LRRC4C: variants seen among roughly 807,000 people sequenced by gnomAD.
LRRC4C encodes the protein leucine rich repeat containing 4C.
In LRRC4C, 5 loss-of-function variants were observed where a neutral mutation model predicts 33.6. That is an observed-to-expected ratio of 0.15 (90% CI 0.08 to 0.31). The LOEUF is 0.31. Among genes scored for constraint, LRRC4C ranks in the 10% least tolerant of loss-of-function variants. The pLI is 1.00. For missense variants in LRRC4C, 560 were observed against 796.7 expected (o/e 0.70, Z 3.58); for synonymous variants, 329 against 302.0 (o/e 1.09, Z -0.93).
chr11:40,954,651 T>C lies in LRRC4C; in HGVS notation c.-495-20928A>G, dbSNP rs546617095. Among the ~76,000 whole-genome samples the C allele has an allele frequency of 1.5e-3, 227 of 151,984 alleles. 1 individual carries two copies. Among genetic ancestry groups the C allele is most frequent in the African/African-American group, 5.4e-3 (224 of 41,502 alleles). On this transcript the variant is annotated intron_variant, in intron 1 of 6. Transcript: ENST00000528697. Reference sequence around the variant, plus strand: ...CCTCATCTTCATAAAATAGCCCAAATTATTCCATTATGTAAAATACAGGTC... The same window carrying C: ...CCTCATCTTCATAAAATAGCCCAAACTATTCCATTATGTAAAATACAGGTC...
intron 1 of LRRC4C, among the ~76,000 whole-genome samples, chr11:41,370,092 G>A (rs149034044): frequency 6.8e-4 from 103 of 152,224 alleles, no homozygotes; most frequent in African/African-American, 2.3e-3. Context: ...TAACATAGAC[G>A]TGGCACACTT....
chr11:40,495,929 AAGCAATTCTCCTGTCTCAGCCTCCCAAGT>A (rs1565446051), intron 3 of LRRC4C, among the ~76,000 whole-genome samples: 1 of 140,584 alleles, frequency 7.1e-6, no homozygotes, highest in Admixed American at 7.9e-5. Context: ...CCCGGGGTTC[AAGCAATTCTCCTGTCTCAGCCTCCCAAGT>A]AGCTGGGATA....
intron 1 of LRRC4C, among the ~76,000 whole-genome samples, chr11:40,953,680 A>G (rs182931678): frequency 6.6e-6 from 1 of 151,828 alleles, no homozygotes; most frequent in African/African-American, 2.4e-5. Flanking sequence ...ACCTATAAGG[A>G]CTTATTTTTC....
intron 1 of LRRC4C, among the ~76,000 whole-genome samples, chr11:41,117,615 A>G (rs551981326): frequency 9.2e-5 from 14 of 152,156 alleles, no homozygotes; most frequent in Non-Finnish European, 1.6e-4. Flanking sequence ...TGCATTTTCT[A>G]AGGAAAATAT....
At chr11:41,433,684 G>A (rs1225785621) in intron 1 of LRRC4C, among the ~76,000 whole-genome samples, 1 of 152,070 alleles carries the variant, frequency 6.6e-6, no homozygotes, top group Non-Finnish European at 1.5e-5. Flanking sequence ...TCAAACATCG[G>A]ACTCGTTCTT....
intron 1 of LRRC4C, among the ~76,000 whole-genome samples, chr11:41,127,092 T>G (rs1942779441): frequency 6.6e-6 from 1 of 152,178 alleles, no homozygotes; most frequent in South Asian, 2.1e-4. Context: ...AAATTTCAAT[T>G]AAAATTTCTC....
At chr11:40,118,216 TATA>T (rs1231320288) in intron 6 of LRRC4C, among the ~76,000 whole-genome samples, 3 of 148,300 alleles carry the variant, frequency 2.0e-5, no homozygotes, top group Non-Finnish European at 3.0e-5. Flanking sequence ...AAATAACAAA[TATA>T]ATTATTACTT....
intron 3 of LRRC4C, among the ~76,000 whole-genome samples, chr11:40,342,916 A>AT (rs1482002920): frequency 6.6e-6 from 1 of 152,076 alleles, no homozygotes; most frequent in Non-Finnish European, 1.5e-5. Context: ...TAGTCTAGTC[A>AT]TCTCTCCATC....
chr11:40,870,364 T>G (rs1353683596), intron 2 of LRRC4C, among the ~76,000 whole-genome samples: 1 of 152,132 alleles, frequency 6.6e-6, no homozygotes, highest in East Asian at 1.9e-4. Flanking sequence ...ACCTGGTATA[T>G]GCACCTATTG....
chr11:40,557,610 C>A (rs1957380379), intron 3 of LRRC4C, among the ~76,000 whole-genome samples: 1 of 152,000 alleles, frequency 6.6e-6, no homozygotes, highest in Admixed American at 6.6e-5. Context: ...ACAGGGAGGG[C>A]ATGTGGTATG....
chr11:41,120,465 T>G (rs1432972893), intron 1 of LRRC4C, among the ~76,000 whole-genome samples: 1 of 152,150 alleles, frequency 6.6e-6, no homozygotes, highest in Non-Finnish European at 1.5e-5. Flanking sequence ...CTCCCTATAT[T>G]CTAGTTGAAC....
intron 2 of LRRC4C, among the ~76,000 whole-genome samples, chr11:40,709,465 G>A (rs530947317): frequency 6.6e-6 from 1 of 152,112 alleles, no homozygotes; most frequent in African/African-American, 2.4e-5. Flanking sequence ...CACTTATGAA[G>A]CTTAGTTTGG....
At chr11:40,336,335 C>T (rs1053164523) in intron 3 of LRRC4C, among the ~76,000 whole-genome samples, 1 of 152,128 alleles carries the variant, frequency 6.6e-6, no homozygotes. Context: ...GTGATGTGCA[C>T]TATTTTGGGC....
intron 3 of LRRC4C, among the ~76,000 whole-genome samples, chr11:40,499,717 T>C (rs192932722): frequency 1.3e-5 from 2 of 152,212 alleles, no homozygotes; most frequent in Admixed American, 6.5e-5. Context: ...TAAACTAACA[T>C]GTTAAAAAGA....
chr11:40,921,738 A>T (rs1287183949), intron 2 of LRRC4C, among the ~76,000 whole-genome samples: 4 of 152,190 alleles, frequency 2.6e-5, no homozygotes, highest in Admixed American at 6.5e-5. Flanking sequence ...TCAAACATTT[A>T]TCTTTTCTTT....
chr11:40,533,685 T>G (rs776566980), intron 3 of LRRC4C, among the ~76,000 whole-genome samples: 34 of 152,134 alleles, frequency 2.2e-4, no homozygotes, highest in Non-Finnish European at 4.1e-4. Context: ...TCAGAGAAGC[T>G]ATCTCAACGT....
At chr11:40,625,503 G>C (rs1962842833) in intron 3 of LRRC4C, among the ~76,000 whole-genome samples, 1 of 152,042 alleles carries the variant, frequency 6.6e-6, no homozygotes, top group African/African-American at 2.4e-5. Context: ...GAACAGCATG[G>C]GGGAAAACCT....
At chr11:40,971,956 T>C (rs1261498805) in intron 1 of LRRC4C, among the ~76,000 whole-genome samples, 1 of 152,164 alleles carries the variant, frequency 6.6e-6, no homozygotes, top group Non-Finnish European at 1.5e-5. Flanking sequence ...ATTTTTGGAA[T>C]GGGAGTATTT....
intron 1 of LRRC4C, among the ~76,000 whole-genome samples, chr11:41,408,636 GC>G (rs1170497531): frequency 6.6e-6 from 1 of 151,248 alleles, no homozygotes; most frequent in Admixed American, 6.6e-5. Flanking sequence ...AATAATGATT[GC>G]TTTTACAATG....
Sources: gnomAD v4.1 joint callset for allele counts (sites outside exome capture counted in the v4.1 genomes callset) on GRCh38, gnomAD v4.1.1 for gene constraint, MANE v1.5 for transcripts, NCBI Gene and HGNC (gene_info 2026-07-23, HGNC 2026-07-21) for gene names.